GRAMD1C: variants seen among roughly 807,000 people sequenced by gnomAD.
GRAMD1C encodes protein Aster-C.
In GRAMD1C, 89 loss-of-function variants were observed where a neutral mutation model predicts 97.8. The ratio of observed to expected loss-of-function variants is 0.91; its 90% CI spans 0.77 to 1.09. The LOEUF is 1.09. Ranked by LOEUF, GRAMD1C falls within the 50% of genes least tolerant of loss-of-function variation. GRAMD1C has a pLI of 0.00. For synonymous variants in GRAMD1C, 256 were observed against 267.0 expected (o/e 0.96, Z 0.40); for missense variants, 740 against 766.4 (o/e 0.97, Z 0.41).
intron 16 of GRAMD1C, 100 bp downstream of exon 16, chr3:113,940,096 C>G: frequency 1.1e-6 from 1 of 872,146 alleles, no homozygotes; most frequent in Non-Finnish European, 1.9e-6. Flanking sequence ...GGTCTGCTAA[C>G]TATCCTGTAG....
At position 113,945,440 on chromosome 3, in the gene GRAMD1C, C is replaced by A; in HGVS notation, c.1951C>A (p.Leu651Ile). ...TATGCTTCAGAAAACGTTTGATCTACTAAATAAGAATAAGACTGGCATGGC... is the reference window on the plus strand; with the variant it reads ...TATGCTTCAGAAAACGTTTGATCTAATAAATAAGAATAAGACTGGCATGGC... ...LIMLQKTFDL[L>I]NKNKTGMAVE... is the part of the protein sequence containing the mutation. The change falls in exon 18 of 18, where the codon CTA (leucine) becomes ATA (isoleucine). Residue 651 changes from leucine (L) to isoleucine (I), a missense_variant. Transcript: ENST00000358160. 1.9e-6 allele frequency: 3 copies of A among 1,600,134 alleles called. No individual in the cohort carries two copies. Among genetic ancestry groups the A allele is most frequent in the Non-Finnish European group, 2.6e-6 (3 of 1,167,952 alleles).
At chr3:113,903,023 T>C (rs1009736056) in intron 7 of GRAMD1C, among the ~76,000 whole-genome samples, 1 of 151,542 alleles carries the variant, frequency 6.6e-6, no homozygotes, top group Non-Finnish European at 1.5e-5. Flanking sequence ...TGGAGTGCAG[T>C]GGCGTGATCT....
intron 9 of GRAMD1C, among the ~76,000 whole-genome samples, chr3:113,912,538 T>C (rs1480790667): frequency 6.6e-6 from 1 of 151,944 alleles, no homozygotes; most frequent in Non-Finnish European, 1.5e-5. Context: ...GGGCCAGGAG[T>C]TTGAGACCAG....
chr3:113,882,322 T>C (rs1935299850), intron 5 of GRAMD1C, among the ~76,000 whole-genome samples: 1 of 152,174 alleles, frequency 6.6e-6, no homozygotes, highest in Non-Finnish European at 1.5e-5. Flanking sequence ...CTTAAATCTA[T>C]CTCTGAAATC....
At chr3:113,832,182 C>G (rs1300841735) in intron 1 of GRAMD1C, among the ~76,000 whole-genome samples, 1 of 152,066 alleles carries the variant, frequency 6.6e-6, no homozygotes, top group Non-Finnish European at 1.5e-5. Context: ...CACCCACCAC[C>G]AGGCCTGGCT....
intron 11 of GRAMD1C, among the ~76,000 whole-genome samples, chr3:113,931,200 T>A (rs1250057172): frequency 6.6e-6 from 1 of 152,120 alleles, no homozygotes; most frequent in Non-Finnish European, 1.5e-5. Context: ...GTCTAGGATT[T>A]CCTTTAGAAG....
chr3:113,913,322 C>T lies in GRAMD1C; in HGVS notation c.953-2379C>T, dbSNP rs1012651571. Among the ~76,000 whole-genome samples, 3 of 149,610 alleles carry T rather than the reference C, an allele frequency of 2.0e-5. No homozygotes were observed. The Admixed American group carries it at 2.0e-4, about 10-fold the overall frequency. ...GGTGGGTCAACTGAGGTCAGGAGTT[C>T]GAGACCAGTCTGGCCAATGTGAGGA... On this transcript the variant is annotated intron_variant, in intron 9 of 17. Transcript: ENST00000358160.
At chr3:113,873,719 G>A (rs186169880) in intron 3 of GRAMD1C, among the ~76,000 whole-genome samples, 13 of 152,074 alleles carry the variant, frequency 8.5e-5, no homozygotes, top group Admixed American at 2.0e-4. Context: ...AGGTTTCACC[G>A]TGTTGGCCAG....
chr3:113,880,842 C>G (rs939335014), intron 5 of GRAMD1C, among the ~76,000 whole-genome samples: 5 of 152,142 alleles, frequency 3.3e-5, no homozygotes, highest in African/African-American at 9.7e-5. Flanking sequence ...ATTCACAGTA[C>G]TAACAACAGG....
chr3:113,910,825 C>G (rs1255367009), intron 9 of GRAMD1C, among the ~76,000 whole-genome samples: 2 of 152,080 alleles, frequency 1.3e-5, no homozygotes, highest in East Asian at 1.9e-4. Context: ...GACGATCCCC[C>G]CTGGAGGAGA....
At chr3:113,943,828 T>G (rs1559831053) in intron 17 of GRAMD1C, among the ~76,000 whole-genome samples, 1 of 152,052 alleles carries the variant, frequency 6.6e-6, no homozygotes, top group Non-Finnish European at 1.5e-5. Context: ...GCAGGAGAAT[T>G]GTTTGAACCC....
intron 2 of GRAMD1C, among the ~76,000 whole-genome samples, chr3:113,858,533 T>C (rs990006422): frequency 6.6e-6 from 1 of 151,708 alleles, no homozygotes; most frequent in Non-Finnish European, 1.5e-5. Context: ...TAGCTGAGAC[T>C]ACAGGCTCAC....
At chr3:113,850,333 AG>A in intron 2 of GRAMD1C, 4 of 734,098 alleles carry the variant, frequency 5.4e-6, no homozygotes, top group Non-Finnish European at 2.5e-6. Flanking sequence ...TGTTGGCACC[AG>A]GGGGCACAAA....
chr3:113,830,087 G>A (rs1274117585), intron 1 of GRAMD1C, among the ~76,000 whole-genome samples: 1 of 152,100 alleles, frequency 6.6e-6, no homozygotes, highest in African/African-American at 2.4e-5. Context: ...TTTATATAGG[G>A]CACAAAAGAT....
chr3:113,919,436 A>G (rs185922676), intron 10 of GRAMD1C: 85 of 514,276 alleles, frequency 1.7e-4, no homozygotes, highest in Non-Finnish European at 9.1e-5. Context: ...AATTGAATTT[A>G]TAGGTCAAAT....
At chr3:113,885,073 T>G (rs535151471) in intron 6 of GRAMD1C, among the ~76,000 whole-genome samples, 1 of 151,752 alleles carries the variant, frequency 6.6e-6, no homozygotes, top group African/African-American at 2.4e-5. Flanking sequence ...CCAGTCCATG[T>G]GGGCCCCCGC....
chr3:113,839,085 C>A (rs143992872), intron 1 of GRAMD1C, 149 bp downstream of exon 1: 5 of 537,246 alleles, frequency 9.3e-6, no homozygotes, highest in Non-Finnish European at 1.4e-5. Context: ...AAGTTGTTAC[C>A]GAGGAAACGG....
intron 10 of GRAMD1C, among the ~76,000 whole-genome samples, chr3:113,926,762 AG>A (rs1234603945): frequency 6.6e-6 from 1 of 152,142 alleles, no homozygotes; most frequent in African/African-American, 2.4e-5. Context: ...GGAAGATTTC[AG>A]GGGGCCCAGG....
At chr3:113,912,657 C>T (rs1936645723) in intron 9 of GRAMD1C, among the ~76,000 whole-genome samples, 1 of 151,852 alleles carries the variant, frequency 6.6e-6, no homozygotes, top group Non-Finnish European at 1.5e-5. Flanking sequence ...CACTTGAGCC[C>T]CAGGAGATCA....
Sources: gnomAD v4.1 joint callset for allele counts (sites outside exome capture counted in the v4.1 genomes callset) on GRCh38, gnomAD v4.1.1 for gene constraint, MANE v1.5 for transcripts, NCBI Gene and HGNC (gene_info 2026-07-23, HGNC 2026-07-21) for gene names.